CNTNAP2: variants seen among roughly 807,000 people sequenced by gnomAD.
The protein encoded by CNTNAP2 is contactin-associated protein-like 2.
Under a neutral mutation model 155.2 loss-of-function variants are expected in CNTNAP2, and 98 were observed. The observed-to-expected ratio is 0.63, with a 90% CI of 0.54 to 0.75. The LOEUF (loss-of-function observed/expected upper bound fraction) is 0.75, where lower values mean the gene tolerates loss of function less well. Ranked by LOEUF, CNTNAP2 falls within the 30% of genes least tolerant of loss-of-function variation. The pLI, the probability that CNTNAP2 is intolerant of heterozygous loss-of-function variation, is 0.00. For missense variants in CNTNAP2, 1,727 were observed against 1,688.1 expected, an observed-to-expected ratio of 1.02 and a Z score of -0.40; for synonymous variants, 651 against 631.2, an observed-to-expected ratio of 1.03 and a Z score of -0.47.
At chr7:146,286,900 G>A (rs1051681916) in intron 1 of CNTNAP2, among the ~76,000 whole-genome samples, 2 of 152,132 alleles carry the variant, frequency 1.3e-5, no homozygotes, top group African/African-American at 4.8e-5. Context: ...GAGGCCAATA[G>A]TTTGAGACCA....
intron 23 of CNTNAP2, among the ~76,000 whole-genome samples, chr7:148,412,566 G>C (rs1250193967): frequency 6.6e-6 from 1 of 152,192 alleles, no homozygotes; most frequent in Non-Finnish European, 1.5e-5. Context: ...CTGTGACCTT[G>C]CTAAATTTGC....
chr7:147,618,772 GT>G (rs1330286963), intron 12 of CNTNAP2, among the ~76,000 whole-genome samples: 10 of 151,118 alleles, frequency 6.6e-5, no homozygotes, highest in African/African-American at 1.7e-4. Flanking sequence ...GGAAGGAATT[GT>G]TTTTTGCTTT....
chr7:147,288,950 AAAT>A (rs1316211187), intron 8 of CNTNAP2, among the ~76,000 whole-genome samples: 2 of 152,168 alleles, frequency 1.3e-5, no homozygotes, highest in African/African-American at 4.8e-5. Context: ...ATACATGACA[AAAT>A]AATAATGATA....
intron 1 of CNTNAP2, among the ~76,000 whole-genome samples, chr7:146,513,438 T>A (rs925898995): frequency 6.6e-6 from 1 of 151,892 alleles, no homozygotes; most frequent in Non-Finnish European, 1.5e-5. Context: ...ATGTTTTGAT[T>A]CCTTGCTTTT....
chr7:146,182,707 A>G (rs1798565742), intron 1 of CNTNAP2, among the ~76,000 whole-genome samples: 1 of 152,162 alleles, frequency 6.6e-6, no homozygotes, highest in African/African-American at 2.4e-5. Flanking sequence ...TATTGATTTG[A>G]AAATATCCTT....
intron 1 of CNTNAP2, among the ~76,000 whole-genome samples, chr7:146,720,737 T>G (rs1461638870): frequency 6.6e-6 from 1 of 151,712 alleles, no homozygotes; most frequent in Non-Finnish European, 1.5e-5. Context: ...TTTGGTTCTT[T>G]CAGTCTTATG....
chr7:147,121,258 A>G, intron 6 of CNTNAP2, 95 bp downstream of exon 6: 1 of 1,217,274 alleles, frequency 8.2e-7, no homozygotes, highest in East Asian at 2.5e-5. Context: ...TACTACTTAC[A>G]CCTTTTTTAT....
rs779901891 is a variant in CNTNAP2 at position 147,132,409 on chromosome 7, G to A, written c.1248G>A (p.Ala416=). ...PNGLLVFSHF[A]DNLGNVEIDL... ...GTCTCCTGGTCTTCAGTCACTTTGC[G>A]GATAATTTGGGCAATGTGGAGATTG... The change falls in exon 8 of 24, where the codon GCG becomes GCA. Residue 416 remains alanine, a synonymous_variant. Coordinates refer to ENST00000361727, the MANE Select transcript of CNTNAP2 (RefSeq NM_014141.6). The A allele has an allele frequency of 1.9e-5, 30 of 1,613,428 alleles. No homozygotes were observed. The highest frequency in any genetic ancestry group is 4.0e-5 in the African/African-American group (3 of 74,814).
chr7:146,699,328 G>A (rs1800836141), intron 1 of CNTNAP2, among the ~76,000 whole-genome samples: 1 of 152,138 alleles, frequency 6.6e-6, no homozygotes, highest in Non-Finnish European at 1.5e-5. Flanking sequence ...TTGTTATTGG[G>A]TTGCCACAGA....
At chr7:146,646,208 A>G (rs750040591) in intron 1 of CNTNAP2, among the ~76,000 whole-genome samples, 91 of 152,182 alleles carry the variant, frequency 6.0e-4, no homozygotes, top group Non-Finnish European at 1.0e-3. Context: ...CCTTTTAGAA[A>G]ATCACATAAT....
intron 12 of CNTNAP2, among the ~76,000 whole-genome samples, chr7:147,593,171 G>T (rs141361570): frequency 1.7e-3 from 257 of 148,692 alleles, no homozygotes; most frequent in African/African-American, 6.0e-3. Flanking sequence ...TGTAGGGAAA[G>T]AATAAAACAA....
intron 13 of CNTNAP2, among the ~76,000 whole-genome samples, chr7:147,656,549 G>A (rs1795527668): frequency 6.6e-6 from 1 of 152,150 alleles, no homozygotes; most frequent in African/African-American, 2.4e-5. Flanking sequence ...GGGATCAGCT[G>A]GTCAGTAGAG....
chr7:146,130,396 G>A (rs377128939), intron 1 of CNTNAP2, among the ~76,000 whole-genome samples: 45 of 152,280 alleles, frequency 3.0e-4, no homozygotes, highest in South Asian at 1.4e-3. Context: ...CGTGAGCCCC[G>A]GAGTTCAAAG....
chr7:148,100,730 T>C (rs1804080666), intron 15 of CNTNAP2, among the ~76,000 whole-genome samples: 1 of 152,244 alleles, frequency 6.6e-6, no homozygotes, highest in African/African-American at 2.4e-5. Flanking sequence ...AATAAATGTA[T>C]ACATTGTGGT....
chr7:147,769,436 A>T (rs117261295), intron 13 of CNTNAP2, among the ~76,000 whole-genome samples: 2,029 of 152,250 alleles, frequency 0.013, 104 homozygotes, highest in Admixed American at 0.09. Context: ...TTATTTTGAA[A>T]AACATGCATA....
chr7:146,618,621 A>G (rs1475162389), intron 1 of CNTNAP2, among the ~76,000 whole-genome samples: 1 of 152,192 alleles, frequency 6.6e-6, no homozygotes. Context: ...TAAGCATTGC[A>G]TATTTGTTTT....
intron 21 of CNTNAP2, among the ~76,000 whole-genome samples, chr7:148,277,970 G>C (rs1796905502): frequency 6.6e-6 from 1 of 152,268 alleles, no homozygotes; most frequent in Non-Finnish European, 1.5e-5. Flanking sequence ...TGGGACCAGG[G>C]AGTTAGCATG....
intron 3 of CNTNAP2, among the ~76,000 whole-genome samples, chr7:146,986,237 G>T (rs1306467975): frequency 6.6e-6 from 1 of 152,160 alleles, no homozygotes; most frequent in South Asian, 2.1e-4. Context: ...TCACTTATGA[G>T]AGAGAACATA....
intron 8 of CNTNAP2, among the ~76,000 whole-genome samples, chr7:147,270,439 C>T (rs768460042): frequency 2.0e-5 from 3 of 152,090 alleles, no homozygotes; most frequent in African/African-American, 2.4e-5. Context: ...AAAATTAAGT[C>T]GCTGGTTACT....
Sources: allele counts gnomAD v4.1 joint callset (sites outside exome capture counted in the v4.1 genomes callset), GRCh38; gene constraint gnomAD v4.1.1; transcripts MANE v1.5; gene names NCBI Gene and HGNC (gene_info 2026-07-23, HGNC 2026-07-21).